The following JAKMIP2 variants were observed in gnomAD, a reference collection of about 807,000 sequenced individuals.
JAKMIP2 encodes janus kinase and microtubule interacting protein 2, also known as janus kinase and microtubule-interacting protein 2.
A neutral mutation model predicts 115.0 loss-of-function variants in JAKMIP2; 25 were observed. The observed-to-expected ratio is 0.22, with a 90% CI of 0.16 to 0.30. JAKMIP2 has a LOEUF of 0.30. Among genes scored for constraint, JAKMIP2 ranks in the 10% least tolerant of loss-of-function variants. The probability of loss-of-function intolerance (pLI) is 1.00; values close to 1 mark genes in which losing one functional copy is unlikely to be tolerated. For synonymous variants in JAKMIP2, 334 were observed against 343.6 expected, an observed-to-expected ratio of 0.97 and a Z score of 0.31; for missense variants, 642 against 957.6, an observed-to-expected ratio of 0.67 and a Z score of 4.35.
chr5:147,631,866 A>G (rs764284742), intron 13 of JAKMIP2, among the ~76,000 whole-genome samples: 2 of 152,172 alleles, frequency 1.3e-5, no homozygotes, highest in South Asian at 2.1e-4. Context: ...TGCATATTCA[A>G]TCTATTCAAG....
intron 1 of JAKMIP2, among the ~76,000 whole-genome samples, chr5:147,725,963 T>A (rs138501573): frequency 6.6e-4 from 101 of 152,238 alleles, no homozygotes; most frequent in African/African-American, 1.8e-3. Flanking sequence ...TAGTGAAGAT[T>A]CCTTCACTAT....
intron 1 of JAKMIP2, among the ~76,000 whole-genome samples, chr5:147,702,401 A>G (rs1752360990): frequency 1.4e-5 from 2 of 144,178 alleles, no homozygotes; most frequent in African/African-American, 5.2e-5. Flanking sequence ...AACACTAAAG[A>G]ACTTATGTAC....
At chr5:147,650,210 G>T in intron 4 of JAKMIP2, 128 bp downstream of exon 4, 1 of 660,674 alleles carries the variant, frequency 1.5e-6, no homozygotes. Flanking sequence ...GATACTAGCT[G>T]ATTTTATAGT....
At chr5:147,699,049 A>G (rs1752220555) in intron 1 of JAKMIP2, among the ~76,000 whole-genome samples, 1 of 152,178 alleles carries the variant, frequency 6.6e-6, no homozygotes, top group Non-Finnish European at 1.5e-5. Context: ...TAATTTGTCT[A>G]TGCTCTTCTA....
chr5:147,638,439 C>A (rs1332753549), intron 10 of JAKMIP2, among the ~76,000 whole-genome samples: 1 of 152,122 alleles, frequency 6.6e-6, no homozygotes, highest in East Asian at 1.9e-4. Context: ...GAACACTTAA[C>A]CACAAATATT....
chr5:147,602,693 T>C (rs2126588580), intron 20 of JAKMIP2, among the ~76,000 whole-genome samples: 1 of 152,210 alleles, frequency 6.6e-6, no homozygotes, highest in Non-Finnish European at 1.5e-5. Flanking sequence ...AGGTCAGTTT[T>C]AAAAAAAATA....
At chr5:147,771,081 T>C (rs1053655871) in intron 1 of JAKMIP2, among the ~76,000 whole-genome samples, 2 of 152,174 alleles carry the variant, frequency 1.3e-5, no homozygotes, top group Non-Finnish European at 2.9e-5. Flanking sequence ...TTGATGAATA[T>C]GTAACAATAA....
At chr5:147,606,294 T>C (rs1756010027) in intron 20 of JAKMIP2, among the ~76,000 whole-genome samples, 1 of 152,222 alleles carries the variant, frequency 6.6e-6, no homozygotes, top group South Asian at 2.1e-4. Flanking sequence ...TAGATTTTCT[T>C]CTAAGGTTTT....
intron 1 of JAKMIP2, among the ~76,000 whole-genome samples, chr5:147,740,282 C>A (rs986999527): frequency 1.3e-5 from 2 of 152,150 alleles, no homozygotes; most frequent in Non-Finnish European, 2.9e-5. Flanking sequence ...AATCAGAATG[C>A]AAGACATACA....
In JAKMIP2 at chr5:147,755,262, TC is replaced by T. The variant is rs1017212909; in HGVS notation, c.-149+27193del. On this transcript the variant is annotated intron_variant, in intron 1 of 21. Coordinates refer to ENST00000616793, the MANE Select transcript of JAKMIP2 (RefSeq NM_001270941.2). ...AGTGAGGACAAAGAAGATTAGGATGTCCCCCCTTTTGGGACTGAACCAATGT... is the reference window on the plus strand; with the variant it reads ...AGTGAGGACAAAGAAGATTAGGATGTCCCCCTTTTGGGACTGAACCAATGT... Among the ~76,000 whole-genome samples the T allele has an allele frequency of 1.5e-3, 217 of 142,756 alleles. 2 individuals are homozygous for T. Among genetic ancestry groups the T allele is most frequent in the African/African-American group, 5.1e-3 (209 of 40,920 alleles). The allele number at this position is 142,756 out of a possible 152,430, so 93.7% of individuals were successfully genotyped here. A position where few individuals can be genotyped will look rare whatever the true frequency, so the allele number is the denominator to read the frequency against.
chr5:147,640,177 A>T (rs928347645), intron 9 of JAKMIP2, among the ~76,000 whole-genome samples: 1 of 152,188 alleles, frequency 6.6e-6, no homozygotes, highest in Non-Finnish European at 1.5e-5. Context: ...TAAATCATAA[A>T]ATCTGTTTTA....
At chr5:147,603,855 AT>A (rs1755847103) in intron 20 of JAKMIP2, among the ~76,000 whole-genome samples, 1 of 152,164 alleles carries the variant, frequency 6.6e-6, no homozygotes, top group Non-Finnish European at 1.5e-5. Context: ...TTCTTCCAAA[AT>A]TTTTGAGGGT....
At chr5:147,672,125 G>A (rs941830412) in intron 1 of JAKMIP2, among the ~76,000 whole-genome samples, 171 bp from the exon 2 acceptor site, 3 of 152,008 alleles carry the variant, frequency 2.0e-5, no homozygotes, top group African/African-American at 7.2e-5. Flanking sequence ...TTTTCAAATA[G>A]CTAATTTAAT....
intron 11 of JAKMIP2, 78 bp downstream of exon 11, chr5:147,636,887 G>A: frequency 1.2e-6 from 1 of 851,654 alleles, no homozygotes; most frequent in Non-Finnish European, 2.1e-6. Flanking sequence ...CCTGGGTGCG[G>A]CCCATGCACA....
intron 16 of JAKMIP2, among the ~76,000 whole-genome samples, chr5:147,626,338 C>T (rs1478259377): frequency 6.6e-6 from 1 of 152,148 alleles, no homozygotes; most frequent in Non-Finnish European, 1.5e-5. Flanking sequence ...GGTCCCTATA[C>T]CTTTCTTGCA....
chr5:147,605,035 C>T (rs559836233), intron 20 of JAKMIP2, among the ~76,000 whole-genome samples: 1 of 151,422 alleles, frequency 6.6e-6, no homozygotes, highest in East Asian at 2.0e-4. Flanking sequence ...CCCGTATGTT[C>T]TCATTGTTCA....
At chr5:147,773,191 C>A (rs184544181) in intron 1 of JAKMIP2, among the ~76,000 whole-genome samples, 1 of 152,236 alleles carries the variant, frequency 6.6e-6, no homozygotes, top group Admixed American at 6.5e-5. Context: ...AAAAAATTTT[C>A]AAATTTACCT....
rs1561831184 is a variant in JAKMIP2, at chr5:147,587,951, A to AC, written c.*3755_*3756insG. The stretch of plus-strand genomic sequence containing the variant: ...ATGAGCAGTTATTTGTGGGCCAAAA[A>AC]AAAAAAAAAAAATTAAATCAAGATC... On this transcript the variant is annotated 3_prime_UTR_variant, in exon 22 of 22. Coordinates refer to ENST00000616793, the MANE Select transcript of JAKMIP2 (RefSeq NM_001270941.2). 2 of 151,702 alleles carry AC rather than the reference A, an allele frequency of 1.3e-5. No homozygotes were observed. Among genetic ancestry groups the AC allele is most frequent in the Non-Finnish European group, 2.9e-5 (2 of 67,906 alleles). The allele number at this position is 151,702 out of a possible 1,614,324, so 9.4% of individuals were successfully genotyped here. A position where few individuals can be genotyped will look rare whatever the true frequency, so the allele number is the denominator to read the frequency against.
chr5:147,711,661 T>C (rs1349097528), intron 1 of JAKMIP2, among the ~76,000 whole-genome samples: 2 of 152,122 alleles, frequency 1.3e-5, no homozygotes, highest in East Asian at 1.9e-4. Flanking sequence ...GTGTAACCCA[T>C]AGTAATTGTT....
Sources: allele counts gnomAD v4.1 joint callset (sites outside exome capture counted in the v4.1 genomes callset), GRCh38; gene constraint gnomAD v4.1.1; transcripts MANE v1.5; gene names NCBI Gene and HGNC (gene_info 2026-07-23, HGNC 2026-07-21).